The following STAG2 variants were observed in gnomAD, a reference collection of about 807,000 sequenced individuals.
STAG2 encodes cohesin subunit SA-2.
Under a neutral mutation model 108.1 loss-of-function variants are expected in STAG2, and 14 were observed. That is an observed-to-expected ratio of 0.13 (90% CI 0.09 to 0.20). The LOEUF is 0.20. STAG2 is among the 10% of genes least tolerant of loss of function. The pLI is 1.00. For synonymous variants in STAG2, 307 were observed against 302.7 expected, an observed-to-expected ratio of 1.01 and a Z score of -0.15; for missense variants, 440 against 940.9, an observed-to-expected ratio of 0.47 and a Z score of 6.96.
intron 28 of STAG2, among the ~76,000 whole-genome samples, chrX:124,082,678 A>G (rs1041168509): frequency 5.0e-4 from 56 of 111,147 alleles, no homozygotes; most frequent in African/African-American, 1.8e-3. Context: ...ATAGGTGTGA[A>G]CCACCACACC....
intron 27 of STAG2, 43 bp downstream of exon 27, chrX:124,078,101 C>A (rs2148414568): frequency 1.0e-6 from 1 of 952,755 alleles, no homozygotes; most frequent in Non-Finnish European, 1.5e-6. Context: ...CAATTAACAC[C>A]TAATAGTTAG....
intron 32 of STAG2, among the ~76,000 whole-genome samples, chrX:124,092,809 C>T (rs986237937): frequency 8.9e-6 from 1 of 112,105 alleles, no homozygotes; most frequent in Non-Finnish European, 1.9e-5. Flanking sequence ...GATTTTCTGT[C>T]ACATAGTTCA....
rs1263094053 is a variant in STAG2, at chrX:124,062,904, G to A, written c.1641G>A (p.Val547=). 1.7e-6 allele frequency: 2 copies of A among 1,205,167 alleles called. No homozygotes were observed. Among genetic ancestry groups the A allele is most frequent in the Admixed American group, 2.2e-5 (1 of 45,654 alleles). Residue 547 remains valine, a splice_region_variant and synonymous_variant, in exon 18 of 35, where the codon GTG becomes GTA. Transcript: ENST00000371145. ...CAGAAGTCTTTCTGTTCCTTTAGGTGCTTACAGCAAAGGAGAAGAAGACAC... is the reference window on the plus strand; with the variant it reads ...CAGAAGTCTTTCTGTTCCTTTAGGTACTTACAGCAAAGGAGAAGAAGACAC... ...PPVGRGTGKR[V]LTAKEKKTQL... is the part of the protein sequence containing the mutation.
chrX:123,986,136 T>C (rs2055174115), intron 1 of STAG2, among the ~76,000 whole-genome samples: 1 of 106,253 alleles, frequency 9.4e-6, no homozygotes. Flanking sequence ...CATATATGTA[T>C]CATATATGTA....
intron 1 of STAG2, among the ~76,000 whole-genome samples, chrX:124,014,267 ATGT>A (rs2056623643): frequency 8.9e-6 from 1 of 111,878 alleles, no homozygotes; most frequent in South Asian, 3.7e-4. Flanking sequence ...TATTTTTGTA[ATGT>A]TGTGGCCTTA....
At chrX:124,040,704 A>G (rs938480144) in intron 6 of STAG2, among the ~76,000 whole-genome samples, 40 of 109,324 alleles carry the variant, frequency 3.7e-4, no homozygotes, top group African/African-American at 1.3e-3. Flanking sequence ...TGTTCAGGTC[A>G]TTAGTTACTT....
chrX:123,998,026 C>T (rs905418816), intron 1 of STAG2, among the ~76,000 whole-genome samples: 3 of 111,606 alleles, frequency 2.7e-5, no homozygotes, highest in Non-Finnish European at 3.8e-5. Flanking sequence ...GATGGCTCCT[C>T]GGGTTGCTTC....
In STAG2 at chrX:124,026,989, T is replaced by A. The variant is rs963556837; in HGVS notation, c.123+1071T>A. On this transcript the variant is annotated intron_variant, in intron 4 of 34. Coordinates refer to ENST00000371145, the MANE Select transcript of STAG2 (RefSeq NM_001042750.2). ...GTCATGGCACACTACAGCCTCAAAC[T>A]CTTGGGCTAAAGCAATTATCCTGCC... 2.6e-4 allele frequency among the ~76,000 whole-genome samples: 29 copies of A among 112,133 alleles called. 1 individual carries two copies. Among genetic ancestry groups the A allele is most frequent in the Non-Finnish European group, 5.3e-4 (28 of 53,245 alleles).
intron 6 of STAG2, among the ~76,000 whole-genome samples, chrX:124,040,285 C>T (rs1488859040): frequency 9.0e-6 from 1 of 111,256 alleles, no homozygotes; most frequent in East Asian, 2.8e-4. Flanking sequence ...CTGACTGCTC[C>T]GTTGGTGATT....
chrX:124,046,436 T>C (rs1357275601), intron 8 of STAG2, among the ~76,000 whole-genome samples: 1 of 112,111 alleles, frequency 8.9e-6, no homozygotes, highest in Non-Finnish European at 1.9e-5. Flanking sequence ...TGGTGCAAGA[T>C]GGATACTTTT....
At chrX:123,989,529 A>G (rs1356006980) in intron 1 of STAG2, among the ~76,000 whole-genome samples, 1 of 110,879 alleles carries the variant, frequency 9.0e-6, no homozygotes, top group East Asian at 2.8e-4. Flanking sequence ...TTTAAAACTC[A>G]TATATGTATA....
chrX:124,096,510 C>T (rs1306140697), intron 34 of STAG2, among the ~76,000 whole-genome samples: 1 of 111,239 alleles, frequency 9.0e-6, no homozygotes, highest in Non-Finnish European at 1.9e-5. Flanking sequence ...TGTTTGTACA[C>T]ACTTTATTGT....
chrX:124,095,572 AAG>A, intron 34 of STAG2, 123 bp downstream of exon 34: 1 of 524,359 alleles, frequency 1.9e-6, no homozygotes, highest in Non-Finnish European at 3.2e-6. Flanking sequence ...ATGTGAGAAA[AAG>A]AGGCAGGCAG....
intron 1 of STAG2, among the ~76,000 whole-genome samples, chrX:124,006,161 C>G (rs2056278880): frequency 9.0e-6 from 1 of 111,336 alleles, no homozygotes; most frequent in Non-Finnish European, 1.9e-5. Flanking sequence ...GTTTGGGAGA[C>G]ACAATTAAAC....
At chrX:124,051,494 C>T in intron 13 of STAG2, 100 bp downstream of exon 13, 1 of 544,834 alleles carries the variant, frequency 1.8e-6, no homozygotes, top group South Asian at 5.2e-5. Flanking sequence ...ATTTTAGTAG[C>T]TTACGTCATG....
intron 25 of STAG2, among the ~76,000 whole-genome samples, chrX:124,072,691 G>GTTTGTTTGTTTGT (rs373365744): frequency 9.6e-6 from 1 of 104,239 alleles, no homozygotes; most frequent in African/African-American, 3.5e-5. Flanking sequence ...TGTTGTTGTT[G>GTTTGTTTGTTTGT]TTGTTTGTTT....
At chrX:124,093,109 A>G (rs2059293101) in intron 32 of STAG2, among the ~76,000 whole-genome samples, 1 of 111,533 alleles carries the variant, frequency 9.0e-6, no homozygotes, top group African/African-American at 3.3e-5. Context: ...AACAAGTCCT[A>G]CTCAGTTTCA....
intron 20 of STAG2, among the ~76,000 whole-genome samples, chrX:124,064,713 G>T (rs1325893713): frequency 9.0e-6 from 1 of 110,941 alleles, no homozygotes; most frequent in East Asian, 2.8e-4. Context: ...CAAAGTGCTG[G>T]GATTACAGGC....
chrX:124,044,443 AT>A (rs2057816088), intron 7 of STAG2, among the ~76,000 whole-genome samples: 1 of 111,977 alleles, frequency 8.9e-6, no homozygotes, highest in Non-Finnish European at 1.9e-5. Context: ...AATTTTTAAA[AT>A]TTACTGAACT....
Sources: allele counts gnomAD v4.1 joint callset (sites outside exome capture counted in the v4.1 genomes callset), GRCh38; gene constraint gnomAD v4.1.1; transcripts MANE v1.5; gene names NCBI Gene and HGNC (gene_info 2026-07-23, HGNC 2026-07-21).